CUEDC1: variants seen among roughly 807,000 people sequenced by gnomAD.
CUEDC1 encodes CUE domain-containing protein 1.
A neutral mutation model predicts 43.7 loss-of-function variants in CUEDC1; 30 were observed. The observed-to-expected ratio is 0.69, with a 90% CI of 0.51 to 0.93. The LOEUF (loss-of-function observed/expected upper bound fraction) is 0.93. Ranked by LOEUF, CUEDC1 falls within the 40% of genes least tolerant of loss-of-function variation. The probability of loss-of-function intolerance (pLI) is 0.00; values close to 1 mark genes in which losing one functional copy is unlikely to be tolerated. For missense variants in CUEDC1, 486 were observed against 549.0 expected, an observed-to-expected ratio of 0.89 and a Z score of 1.15; for synonymous variants, 223 against 223.6, an observed-to-expected ratio of 1.00 and a Z score of 0.02.
At chr17:57,896,920 C>A (rs1297481667) in intron 1 of CUEDC1, among the ~76,000 whole-genome samples, 1 of 151,610 alleles carries the variant, frequency 6.6e-6, no homozygotes, top group Non-Finnish European at 1.5e-5. Flanking sequence ...CAGGTGCGTG[C>A]CACCATGCCA....
intron 1 of CUEDC1, among the ~76,000 whole-genome samples, chr17:57,892,060 G>T (rs2074360779): frequency 6.6e-6 from 1 of 152,212 alleles, no homozygotes; most frequent in African/African-American, 2.4e-5. Context: ...GAAAGATGGA[G>T]GAGTGCTGTA....
chr17:57,883,588 T>G (rs1231616612), intron 2 of CUEDC1, among the ~76,000 whole-genome samples: 1 of 152,106 alleles, frequency 6.6e-6, no homozygotes, highest in African/African-American at 2.4e-5. Context: ...CCGGTCATGA[T>G]GGCACATGCA....
chr17:57,914,499 C>T (rs2074617035), intron 1 of CUEDC1, among the ~76,000 whole-genome samples: 1 of 152,102 alleles, frequency 6.6e-6, no homozygotes, highest in African/African-American at 2.4e-5. Flanking sequence ...CAATATATCT[C>T]GGCAGGAGGT....
intron 1 of CUEDC1, among the ~76,000 whole-genome samples, chr17:57,911,402 G>A (rs2074581501): frequency 6.6e-6 from 1 of 152,146 alleles, no homozygotes; most frequent in Admixed American, 6.5e-5. Flanking sequence ...TTGGTAGATG[G>A]GGAGATCACT....
chr17:57,929,050 A>ATT (rs1322958649), intron 1 of CUEDC1, among the ~76,000 whole-genome samples: 1 of 152,168 alleles, frequency 6.6e-6, no homozygotes, highest in African/African-American at 2.4e-5. Context: ...ACAGTTTTAA[A>ATT]GGCCACCGTC....
chr17:57,950,969 G>A (rs1370605664), intron 1 of CUEDC1, among the ~76,000 whole-genome samples: 1 of 152,060 alleles, frequency 6.6e-6, no homozygotes, highest in Admixed American at 6.5e-5. Context: ...AAAAAGAGTT[G>A]GTTCCACAGC....
At chr17:57,918,191 C>A (rs1412745612) in intron 1 of CUEDC1, among the ~76,000 whole-genome samples, 1 of 152,202 alleles carries the variant, frequency 6.6e-6, no homozygotes, top group African/African-American at 2.4e-5. Context: ...CACCAGAGTA[C>A]ATGTGCAAAA....
At chr17:57,935,308 G>A (rs1052213702) in intron 1 of CUEDC1, among the ~76,000 whole-genome samples, 1 of 151,652 alleles carries the variant, frequency 6.6e-6, no homozygotes, top group Non-Finnish European at 1.5e-5. Flanking sequence ...GTGTAGAGCA[G>A]TGAAGGCTTC....
At chr17:57,885,137 A>C in intron 2 of CUEDC1, 92 bp downstream of exon 2, 1 of 1,470,554 alleles carries the variant, frequency 6.8e-7, no homozygotes, top group Non-Finnish European at 9.0e-7. Flanking sequence ...TAGAGGTTCC[A>C]GTGGTGGTTG....
At chr17:57,938,960 CTTTTTTTTTTTTTTT>C (rs55687937) in intron 1 of CUEDC1, among the ~76,000 whole-genome samples, 5 of 82,698 alleles carry the variant, frequency 6.0e-5, no homozygotes, top group South Asian at 4.3e-4. Context: ...CGTGCCCAGC[CTTTTTTTTTTTTTTT>C]TTTTTTTTTT....
intron 2 of CUEDC1, among the ~76,000 whole-genome samples, chr17:57,884,949 C>G (rs1316426608): frequency 6.6e-6 from 1 of 152,212 alleles, no homozygotes; most frequent in Non-Finnish European, 1.5e-5. Context: ...TCTGATGCCT[C>G]CTGACTCAGG....
At chr17:57,949,745 G>T (rs748499962) in intron 1 of CUEDC1, among the ~76,000 whole-genome samples, 5 of 151,588 alleles carry the variant, frequency 3.3e-5, no homozygotes, top group Non-Finnish European at 7.4e-5. Context: ...GCTAATTTTT[G>T]TAGAGATGAG....
chr17:57,942,751 G>A (rs529044993), intron 1 of CUEDC1, among the ~76,000 whole-genome samples: 242 of 151,940 alleles, frequency 1.6e-3, no homozygotes, highest in Non-Finnish European at 1.5e-3. Context: ...CACTGCTGCC[G>A]GGCGCTGTGG....
Position 57,885,352 on chromosome 17 carries a change from G to A in CUEDC1, c.213C>T (p.Arg71=), listed in dbSNP as rs2074273632. ...MDYDIIECVL[R]ANSGAVDATI... is the part of the protein sequence containing the mutation. The stretch of plus-strand genomic sequence containing the variant: ...TGGCGTCCACAGCGCCGCTGTTGGC[G>A]CGCAGCACGCATTCGATGATGTCGT... Residue 71 remains arginine (R), a synonymous_variant, in exon 2 of 11, where the codon CGC becomes CGT. Coordinates refer to ENST00000577830, the MANE Select transcript of CUEDC1 (RefSeq NM_001271875.2). 5.0e-6 allele frequency: 8 copies of A among 1,612,114 alleles called. No homozygotes were observed. In the Admixed American group the frequency reaches 5.0e-5, roughly 10 times the overall value.
chr17:57,941,372 G>A (rs1304754515), intron 1 of CUEDC1, among the ~76,000 whole-genome samples: 2 of 152,200 alleles, frequency 1.3e-5, no homozygotes, highest in Non-Finnish European at 2.9e-5. Flanking sequence ...CTAGATAAAA[G>A]TTAGGTAGAC....
At chr17:57,867,205 G>A (rs9894704) in intron 9 of CUEDC1, 152 bp downstream of exon 9, 16 of 715,248 alleles carry the variant, frequency 2.2e-5, no homozygotes, top group Middle Eastern at 2.5e-4. Flanking sequence ...GACCAAGTCA[G>A]GGGGATCCAT....
intron 1 of CUEDC1, among the ~76,000 whole-genome samples, chr17:57,907,589 C>T (rs927211831): frequency 2.0e-5 from 3 of 152,020 alleles, no homozygotes; most frequent in South Asian, 4.2e-4. Flanking sequence ...CTCATGCCTG[C>T]AATCCCAGAA....
intron 1 of CUEDC1, among the ~76,000 whole-genome samples, chr17:57,889,418 G>A (rs1043940029): frequency 6.6e-6 from 1 of 152,220 alleles, no homozygotes; most frequent in Non-Finnish European, 1.5e-5. Context: ...TGGCCCCAGG[G>A]GAGGCTGGGC....
At chr17:57,941,383 A>G (rs2074915930) in intron 1 of CUEDC1, among the ~76,000 whole-genome samples, 1 of 152,236 alleles carries the variant, frequency 6.6e-6, no homozygotes, top group South Asian at 2.1e-4. Context: ...TTAGGTAGAC[A>G]GGGTTGCCAT....
Sources: gnomAD v4.1 joint callset for allele counts (sites outside exome capture counted in the v4.1 genomes callset) on GRCh38, gnomAD v4.1.1 for gene constraint, MANE v1.5 for transcripts, NCBI Gene and HGNC (gene_info 2026-07-23, HGNC 2026-07-21) for gene names.